CNTN5: variants seen among roughly 807,000 people sequenced by gnomAD.
CNTN5 encodes contactin 5.
In CNTN5, 77 loss-of-function variants were observed where a neutral mutation model predicts 129.1. The observed-to-expected ratio is 0.60, with a 90% CI of 0.50 to 0.72. The LOEUF (loss-of-function observed/expected upper bound fraction) is 0.72, where lower values mean the gene tolerates loss of function less well. Among genes scored for constraint, CNTN5 ranks in the 30% least tolerant of loss-of-function variants. CNTN5 has a pLI of 0.00. For synonymous variants in CNTN5, 509 were observed against 465.6 expected (o/e 1.09, Z -1.20); for missense variants, 1,478 against 1,328.8 (o/e 1.11, Z -1.75).
intron 6 of CNTN5, among the ~76,000 whole-genome samples, chr11:99,879,852 G>T (rs1948726822): frequency 6.6e-6 from 1 of 152,140 alleles, no homozygotes; most frequent in Admixed American, 6.5e-5. Context: ...ACTTTAGTAG[G>T]TCTAGCAAGA....
At chr11:99,677,491 A>AT (rs1470541348) in intron 3 of CNTN5, among the ~76,000 whole-genome samples, 1 of 152,138 alleles carries the variant, frequency 6.6e-6, no homozygotes, top group Non-Finnish European at 1.5e-5. Context: ...TAGTTAATAC[A>AT]TGACCTTGAT....
At chr11:99,819,861 G>A in intron 4 of CNTN5, 96 bp downstream of exon 4, 2 of 688,650 alleles carry the variant, frequency 2.9e-6, no homozygotes, top group South Asian at 3.9e-5. Context: ...ATTCCAGTAG[G>A]AGAGAGTGAT....
chr11:99,484,574 C>A (rs776632509), intron 2 of CNTN5, among the ~76,000 whole-genome samples: 8 of 152,030 alleles, frequency 5.3e-5, no homozygotes, highest in Non-Finnish European at 1.2e-4. Flanking sequence ...AAGACATCTA[C>A]AGCTCTATGT....
At position 100,299,398 on chromosome 11, in the gene CNTN5, T is replaced by C; in HGVS notation, c.2620+2T>C. 6.4e-7 allele frequency: 1 copy of C among 1,555,364 alleles called. No individual in the cohort carries two copies. Among genetic ancestry groups the C allele is most frequent in the Non-Finnish European group, 8.7e-7 (1 of 1,143,124 alleles). On this transcript the variant is annotated splice_donor_variant, in intron 20 of 24. Coordinates refer to ENST00000524871, the MANE Select transcript of CNTN5 (RefSeq NM_014361.4). LOFTEE classifies it high-confidence loss of function. ...TGGTCATCTGTTCAGCTGAAGGAGG[T>C]CAGTTTTTTTATTCCTATTATTTTT...
chr11:99,527,269 C>G (rs1007607354), intron 2 of CNTN5, among the ~76,000 whole-genome samples: 4 of 152,174 alleles, frequency 2.6e-5, no homozygotes, highest in African/African-American at 9.7e-5. Context: ...ACAGCCAATG[C>G]CTTTAGTCTT....
chr11:99,021,566 T>C (rs1316253209), intron 1 of CNTN5, among the ~76,000 whole-genome samples: 3 of 152,114 alleles, frequency 2.0e-5, no homozygotes, highest in Admixed American at 6.5e-5. Flanking sequence ...AAATTGCAAA[T>C]TGTAAGGCAA....
At chr11:99,788,212 A>G (rs539940472) in intron 3 of CNTN5, among the ~76,000 whole-genome samples, 2 of 152,024 alleles carry the variant, frequency 1.3e-5, no homozygotes, top group South Asian at 2.1e-4. Flanking sequence ...CTTAACTTCA[A>G]CATCTTCCTC....
chr11:100,343,409 C>A (rs1952208575), intron 23 of CNTN5, among the ~76,000 whole-genome samples: 1 of 148,200 alleles, frequency 6.7e-6, no homozygotes, highest in African/African-American at 2.5e-5. Flanking sequence ...CTTATCGGAA[C>A]CTTTCTGATG....
intron 1 of CNTN5, among the ~76,000 whole-genome samples, chr11:99,284,782 C>A (rs1863861180): frequency 1.3e-5 from 2 of 151,942 alleles, no homozygotes; most frequent in African/African-American, 4.8e-5. Context: ...TGGATAATGG[C>A]TACATTTCCA....
chr11:99,554,869 A>T (rs1041036130), intron 2 of CNTN5, among the ~76,000 whole-genome samples: 1 of 152,068 alleles, frequency 6.6e-6, no homozygotes, highest in Admixed American at 6.6e-5. Flanking sequence ...ATTAGCTATG[A>T]GGTTGTTATT....
intron 1 of CNTN5, among the ~76,000 whole-genome samples, chr11:99,199,684 T>C (rs1268392602): frequency 1.3e-5 from 2 of 152,160 alleles, no homozygotes; most frequent in African/African-American, 4.8e-5. Flanking sequence ...AAACACACAA[T>C]GTTTGTTAAG....
chr11:99,230,861 G>C (rs1414755392), intron 1 of CNTN5, among the ~76,000 whole-genome samples: 3 of 152,082 alleles, frequency 2.0e-5, no homozygotes, highest in African/African-American at 7.2e-5. Flanking sequence ...ACGTCCACGT[G>C]TTCTCATTGT....
chr11:100,206,858 TGC>T (rs1948924271), intron 15 of CNTN5, among the ~76,000 whole-genome samples: 2 of 152,000 alleles, frequency 1.3e-5, no homozygotes, highest in African/African-American at 4.8e-5. Context: ...CAGATATATT[TGC>T]TAAACAAAAT....
intron 1 of CNTN5, among the ~76,000 whole-genome samples, chr11:99,275,672 C>T (rs1863395353): frequency 6.6e-6 from 1 of 151,588 alleles, no homozygotes. Context: ...ATGACTTGGG[C>T]TTTGACTGGG....
chr11:99,532,579 G>A (rs1028201645), intron 2 of CNTN5, among the ~76,000 whole-genome samples: 1 of 152,162 alleles, frequency 6.6e-6, no homozygotes, highest in African/African-American at 2.4e-5. Flanking sequence ...ATACTCACAT[G>A]TTGTGGGAGG....
chr11:99,208,772 G>C (rs1273784865), intron 1 of CNTN5, among the ~76,000 whole-genome samples: 1 of 152,010 alleles, frequency 6.6e-6, no homozygotes, highest in Non-Finnish European at 1.5e-5. Flanking sequence ...TAATAACTAA[G>C]TAGGCAGCTT....
intron 6 of CNTN5, among the ~76,000 whole-genome samples, chr11:99,869,993 TC>T (rs1205313724): frequency 6.6e-6 from 1 of 151,894 alleles, no homozygotes; most frequent in East Asian, 1.9e-4. Flanking sequence ...GATTTACCCT[TC>T]CCCCCTGCCA....
intron 15 of CNTN5, among the ~76,000 whole-genome samples, chr11:100,200,931 T>C (rs1948763908): frequency 6.6e-6 from 1 of 152,004 alleles, no homozygotes; most frequent in South Asian, 2.1e-4. Flanking sequence ...AATGTTGTTT[T>C]TCCATTTCAT....
At chr11:99,161,393 T>C (rs755941259) in intron 1 of CNTN5, among the ~76,000 whole-genome samples, 3 of 151,702 alleles carry the variant, frequency 2.0e-5, no homozygotes, top group Admixed American at 6.6e-5. Context: ...CTTCTCCACT[T>C]TTTTTTTAAT....
Sources: allele counts gnomAD v4.1 joint callset (sites outside exome capture counted in the v4.1 genomes callset), GRCh38; gene constraint gnomAD v4.1.1; transcripts MANE v1.5; gene names NCBI Gene and HGNC (gene_info 2026-07-23, HGNC 2026-07-21).